ZNF736: variants seen among roughly 807,000 people sequenced by gnomAD.
The protein encoded by ZNF736 is KRAB-containing zinc-finger repressor protein.
In ZNF736, 6 loss-of-function variants were observed where a neutral mutation model predicts 11.7. That is an observed-to-expected ratio of 0.51 (90% CI 0.28 to 1.01). The LOEUF (loss-of-function observed/expected upper bound fraction) is 1.01, where lower values mean the gene tolerates loss of function less well. Among genes scored for constraint, ZNF736 ranks in the 50% least tolerant of loss-of-function variants. ZNF736 has a pLI of 0.09. For missense variants in ZNF736, 444 were observed against 496.0 expected (o/e 0.90, Z 1.00); for synonymous variants, 139 against 164.7 (o/e 0.84, Z 1.19).
chr7:64,344,631 T>C (rs1377003430), intron 3 of ZNF736, among the ~76,000 whole-genome samples: 3 of 152,234 alleles, frequency 2.0e-5, no homozygotes, highest in Non-Finnish European at 4.4e-5. Context: ...GATTTCCTGC[T>C]TTTAAAAAGC....
chr7:64,347,722 CAGAAGCA>C (rs1158812978), intron 3 of ZNF736, among the ~76,000 whole-genome samples: 1 of 152,148 alleles, frequency 6.6e-6, no homozygotes, highest in African/African-American at 2.4e-5. Context: ...CTCAATAAGC[CAGAAGCA>C]TGGACACATG....
intron 1 of ZNF736, among the ~76,000 whole-genome samples, chr7:64,335,387 A>C (rs532279609): frequency 4.0e-4 from 61 of 152,212 alleles, no homozygotes; most frequent in Non-Finnish European, 7.1e-4. Flanking sequence ...ATGTTTCTTC[A>C]TGACTAGACT....
At chr7:64,342,899 G>A (rs1211118316) in intron 3 of ZNF736, among the ~76,000 whole-genome samples, 14 of 151,812 alleles carry the variant, frequency 9.2e-5, no homozygotes, top group Admixed American at 9.2e-4. Context: ...ATATTGTACT[G>A]TATTTATATT....
Position 64,348,560 on chromosome 7 carries a change from G to C in ZNF736, c.697G>C (p.Gly233Arg). 6.3e-7 allele frequency: 1 copy of C among 1,588,194 alleles called. No homozygotes were observed. Among genetic ancestry groups the C allele is most frequent in the South Asian group, 1.1e-5 (1 of 88,432 alleles). Reference sequence around the variant, plus strand: ...TGGAGAGAAACCTTACAAATGTGAAGGATGTGGCAAAACTTTTACCTGCTC... The same window carrying C: ...TGGAGAGAAACCTTACAAATGTGAACGATGTGGCAAAACTTTTACCTGCTC... ...HTGEKPYKCEGCGKTFTCSST... is the reference protein window; with the variant it reads ...HTGEKPYKCERCGKTFTCSST... Residue 233 changes from glycine to arginine, a missense_variant, in exon 4 of 4, where the codon GGA becomes CGA. Gly to Arg is a moderately radical substitution (Grantham distance 125). Coordinates refer to ENST00000423484, the MANE Select transcript of ZNF736 (RefSeq NM_001170905.3).
intron 1 of ZNF736, among the ~76,000 whole-genome samples, chr7:64,329,956 G>A (rs549148345): frequency 1.1e-4 from 17 of 152,210 alleles, no homozygotes; most frequent in Admixed American, 4.6e-4. Flanking sequence ...AGCTGGCACC[G>A]AGGCCATGAG....
chr7:64,347,676 CTG>C (rs2115968444), intron 3 of ZNF736, among the ~76,000 whole-genome samples: 1 of 152,286 alleles, frequency 6.6e-6, no homozygotes, highest in South Asian at 2.1e-4. Flanking sequence ...CCTTTCAACA[CTG>C]TCATGGAATA....
In ZNF736 at chr7:64,321,999, A is replaced by T. The variant is rs1442172569; in HGVS notation, c.3+7846A>T. Among the ~76,000 whole-genome samples the T allele has an allele frequency of 4.0e-5, 6 of 148,386 alleles. No individual in the cohort carries two copies. In the East Asian group the frequency reaches 1.0e-3, roughly 25 times the overall value. Reference sequence around the variant, plus strand: ...ATTCTCGTTAGTTTGCAGAAATAACATTGATTAGTGATAAGCTGTATGTTG... The same window carrying T: ...ATTCTCGTTAGTTTGCAGAAATAACTTTGATTAGTGATAAGCTGTATGTTG... On this transcript the variant is annotated intron_variant, in intron 1 of 3. Transcript: ENST00000423484.
intron 3 of ZNF736, among the ~76,000 whole-genome samples, chr7:64,344,418 G>A (rs188900403): frequency 6.6e-6 from 1 of 152,150 alleles, no homozygotes; most frequent in Admixed American, 6.5e-5. Context: ...TTTTGTAAAA[G>A]AAATATGCTA....
chr7:64,341,275 T>G (rs2115947923), intron 3 of ZNF736, among the ~76,000 whole-genome samples: 1 of 151,992 alleles, frequency 6.6e-6, no homozygotes, highest in Non-Finnish European at 1.5e-5. Flanking sequence ...GATTGAGTTT[T>G]GGAAATTTAT....
rs1351821368 is a variant in ZNF736 at position 64,348,880 on chromosome 7, A to G, written c.1017A>G (p.Lys339=). 6.2e-7 allele frequency: 1 copy of G among 1,608,210 alleles called. No individual in the cohort carries two copies. The highest frequency in any genetic ancestry group is 1.3e-5 in the African/African-American group (1 of 74,794). ...ATAAGAGAATTCATACTGGAGAGAA[A>G]CCCTACATCTGTGAAGAATGTGGCA... ...SKHKRIHTGE[K]PYICEECGKA... The change falls in exon 4 of 4, where the codon AAA becomes AAG. Residue 339 remains lysine (K), a synonymous_variant. Coordinates refer to ENST00000423484, the MANE Select transcript of ZNF736 (RefSeq NM_001170905.3).
chr7:64,332,006 G>A (rs1307017028), intron 1 of ZNF736, among the ~76,000 whole-genome samples: 2 of 152,150 alleles, frequency 1.3e-5, no homozygotes, highest in African/African-American at 2.4e-5. Flanking sequence ...TGGTTTCAGG[G>A]GAGGGAGTTT....
chr7:64,330,128 C>T (rs553078451), intron 1 of ZNF736, among the ~76,000 whole-genome samples: 3 of 151,964 alleles, frequency 2.0e-5, no homozygotes, highest in Admixed American at 2.0e-4. Context: ...TCTGCCAGGC[C>T]TGCTTCTTTT....
In ZNF736 at chr7:64,333,595, A is replaced by G. The variant is rs556097532; in HGVS notation, c.4-2664A>G. Among the ~76,000 whole-genome samples, 5 of 152,266 alleles carry G rather than the reference A, an allele frequency of 3.3e-5. No individual in the cohort carries two copies. In the East Asian group the frequency reaches 9.6e-4, roughly 29 times the overall value. On this transcript the variant is annotated intron_variant, in intron 1 of 3. Coordinates refer to ENST00000423484, the MANE Select transcript of ZNF736 (RefSeq NM_001170905.3). ...CAGGATAACTCAGAAAGTTCTGAATAAAAAATAGAAGAGACTTCCTCTCTA... is the reference window on the plus strand; with the variant it reads ...CAGGATAACTCAGAAAGTTCTGAATGAAAAATAGAAGAGACTTCCTCTCTA...
intron 3 of ZNF736, 45 bp from the exon 4 acceptor site, chr7:64,348,045 A>G (rs1789434777): frequency 7.3e-7 from 1 of 1,374,780 alleles, no homozygotes; most frequent in Admixed American, 2.8e-5. Context: ...TGTGAAGTAT[A>G]TTCACCTGAG....
At chr7:64,341,611 A>C (rs1789339376) in intron 3 of ZNF736, among the ~76,000 whole-genome samples, 1 of 152,176 alleles carries the variant, frequency 6.6e-6, no homozygotes, top group South Asian at 2.1e-4. Context: ...AGCAGATACA[A>C]ACTGTAATTC....
rs776557853 is a variant in ZNF736, at chr7:64,352,971, C to G, written c.*3824C>G. The G allele has an allele frequency of 6.6e-6, 1 of 152,300 alleles. No homozygotes were observed. The highest frequency in any genetic ancestry group is 1.5e-5 in the Non-Finnish European group (1 of 68,118). The allele number at this position is 152,300 out of a possible 1,614,324, so 9.4% of individuals were successfully genotyped here. On this transcript the variant is annotated 3_prime_UTR_variant, in exon 4 of 4. Coordinates refer to ENST00000423484, the MANE Select transcript of ZNF736 (RefSeq NM_001170905.3). ...CAGCCCCCTGGATTCTGCCTCTTTC[C>G]TATGGGTATGTTCAGGGGTGTAACC...
intron 1 of ZNF736, among the ~76,000 whole-genome samples, chr7:64,326,214 G>C (rs1789080472): frequency 6.6e-6 from 1 of 152,180 alleles, no homozygotes; most frequent in Non-Finnish European, 1.5e-5. Flanking sequence ...TACCAGACAG[G>C]ATATAAACAC....
chr7:64,314,381 G>A (rs1402176843), intron 1 of ZNF736, among the ~76,000 whole-genome samples: 1 of 152,050 alleles, frequency 6.6e-6, no homozygotes, highest in Non-Finnish European at 1.5e-5. Flanking sequence ...TTTCTCCCCA[G>A]CTCAGATCCC....
At chr7:64,336,866 T>A (rs756751380) in intron 2 of ZNF736, 21 bp from the exon 3 acceptor site, 2 of 1,542,796 alleles carry the variant, frequency 1.3e-6, no homozygotes, top group Admixed American at 1.9e-5. Context: ...AAGAGTCATG[T>A]TTTTTTTTCT....
Sources: gnomAD v4.1 joint callset for allele counts (sites outside exome capture counted in the v4.1 genomes callset) on GRCh38, gnomAD v4.1.1 for gene constraint, MANE v1.5 for transcripts, NCBI Gene and HGNC (gene_info 2026-07-23, HGNC 2026-07-21) for gene names.